The following RADIL variants were observed in gnomAD, a reference collection of about 807,000 sequenced individuals.
RADIL encodes the protein ras-associating and dilute domain-containing protein.
In RADIL, 99 loss-of-function variants were observed where a neutral mutation model predicts 97.6. That is an observed-to-expected ratio of 1.01 (90% confidence interval 0.86 to 1.20). The LOEUF is 1.20. Ranked by LOEUF, RADIL falls within the 50% of genes most tolerant of loss-of-function variation. The pLI is 0.00. For missense variants in RADIL, 1,765 were observed against 1,498.9 expected (o/e 1.18, Z -2.93); for synonymous variants, 803 against 691.8 (o/e 1.16, Z -2.52).
intron 5 of RADIL, among the ~76,000 whole-genome samples, chr7:4,825,275 T>G (rs1331164787): frequency 6.6e-6 from 1 of 151,980 alleles, no homozygotes; most frequent in Admixed American, 6.6e-5. Context: ...GGCAGGCTGG[T>G]CAAGGCGCGG....
rs1782596208 is a variant in RADIL, at chr7:4,813,317, C to A, written c.2139+1961G>T. ...TCCACTGGGGGCCTGGTGTTTACTTCCCAAGGGGTCCTGGACTCGTCATCT... is the reference window on the plus strand; with the variant it reads ...TCCACTGGGGGCCTGGTGTTTACTTACCAAGGGGTCCTGGACTCGTCATCT... On this transcript the variant is annotated intron_variant, in intron 9 of 14. Transcript: ENST00000399583. This position sits in a 1 kb window ranked among gnomAD's most constrained non-coding sequence, Gnocchi z 5.0. Among the ~76,000 whole-genome samples the A allele has an allele frequency of 6.6e-6, 1 of 152,142 alleles. No individual in the cohort carries two copies. Among genetic ancestry groups the A allele is most frequent in the Non-Finnish European group, 1.5e-5 (1 of 68,028 alleles).
chr7:4,820,345 G>A (rs545354862), intron 6 of RADIL, among the ~76,000 whole-genome samples: 30 of 152,366 alleles, frequency 2.0e-4, no homozygotes, highest in African/African-American at 6.3e-4. Context: ...TAGCTGGGCA[G>A]CTGGAGGTGG....
At position 4,842,429 on chromosome 7, in the gene RADIL, C is replaced by T. The variant is rs1389010410; in HGVS notation, c.536-5824G>A. On this transcript the variant is annotated intron_variant, in intron 2 of 14. Transcript: ENST00000399583. This position sits in a 1 kb window ranked among gnomAD's most constrained non-coding sequence, Gnocchi z 4.5. ...GGGAGACAGCATGCAGCCACAGCCA[C>T]ACGGCTTTGTCTAGGCCACCCCCCT... is the stretch of plus-strand genomic sequence containing the variant. Among the ~76,000 whole-genome samples the T allele has an allele frequency of 6.6e-6, 1 of 152,188 alleles. No homozygotes were observed. Among genetic ancestry groups the T allele is most frequent in the Non-Finnish European group, 1.5e-5 (1 of 68,042 alleles).
At position 4,824,239 on chromosome 7, in the gene RADIL, C is replaced by T. The variant is rs1199579574; in HGVS notation, c.1455-1685G>A. ...TAAGGGGTGAGCCAGGCAGCTGCCA[C>T]TCTGCTGGCCGCAGGGCATGGTGCC... On this transcript the variant is annotated intron_variant, in intron 5 of 14. Coordinates refer to ENST00000399583, the MANE Select transcript of RADIL (RefSeq NM_018059.5). The surrounding 1 kb of genome is among the most constrained non-coding windows in gnomAD (Gnocchi z 6.7). 6.6e-6 allele frequency among the ~76,000 whole-genome samples: 1 copy of T among 152,232 alleles called. No homozygotes were observed. Among genetic ancestry groups the T allele is most frequent in the East Asian group, 1.9e-4 (1 of 5,198 alleles).
chr7:4,874,769 T>A (rs1455832460), intron 2 of RADIL, among the ~76,000 whole-genome samples: 4 of 149,692 alleles, frequency 2.7e-5, no homozygotes, highest in Admixed American at 1.3e-4. Flanking sequence ...AAGAAGTGCA[T>A]GAGCTTGGCC....
intron 9 of RADIL, among the ~76,000 whole-genome samples, chr7:4,812,381 C>G (rs1209949660): frequency 6.6e-6 from 1 of 152,044 alleles, no homozygotes; most frequent in African/African-American, 2.4e-5. Flanking sequence ...TTTTCTGATA[C>G]TAGCAATTGT....
At position 4,840,972 on chromosome 7, in the gene RADIL, A is replaced by C. The variant is rs1783425722; in HGVS notation, c.536-4367T>G. Among the ~76,000 whole-genome samples, 2 of 152,364 alleles carry C rather than the reference A, an allele frequency of 1.3e-5. No homozygotes were observed. Among genetic ancestry groups the C allele is most frequent in the South Asian group, 4.1e-4 (2 of 4,828 alleles). On this transcript the variant is annotated intron_variant, in intron 2 of 14. Transcript: ENST00000399583. This position sits in a 1 kb window ranked among gnomAD's most constrained non-coding sequence, Gnocchi z 5.6. The stretch of plus-strand genomic sequence containing the variant: ...ACAGAGCGAGACTCCGTCTCAAAAC[A>C]AAACAAAACAACAACAACGAAAAGA...
rs1391693937 is a variant in RADIL at position 4,818,895 on chromosome 7, C to T, written c.1616-1544G>A. On this transcript the variant is annotated intron_variant, in intron 6 of 14. Coordinates refer to ENST00000399583, the MANE Select transcript of RADIL (RefSeq NM_018059.5). The surrounding 1 kb of genome is among the most constrained non-coding windows in gnomAD (Gnocchi z 7.1). ...CAAAGCAGCCTCCAGCCACCCACCA[C>T]GGGCCTGAGACTCCATTTCTTCTTT... Among the ~76,000 whole-genome samples the T allele has an allele frequency of 6.6e-6, 1 of 152,074 alleles. No homozygotes were observed. Among genetic ancestry groups the T allele is most frequent in the South Asian group, 2.1e-4 (1 of 4,822 alleles).
rs533728942 is a variant in RADIL, at chr7:4,810,653, G to A, written c.2139+4625C>T. ...GCGAGGGACCCACGGAAGCATCTCC[G>A]TCGGGGAAATTGCTCAATCGGAGCA... On this transcript the variant is annotated intron_variant, in intron 9 of 14. Transcript: ENST00000399583. Among the ~76,000 whole-genome samples the A allele has an allele frequency of 4.3e-4, 65 of 152,344 alleles. No individual in the cohort carries two copies. The South Asian group carries it at 9.3e-3, about 22-fold the overall frequency.
Position 4,836,108 on chromosome 7 carries a change from G to A in RADIL, c.783+250C>T, listed in dbSNP as rs949194390. Among the ~76,000 whole-genome samples the A allele has an allele frequency of 4.6e-5, 7 of 152,226 alleles. No homozygotes were observed. The South Asian group carries it at 1.2e-3, about 27-fold the overall frequency. On this transcript the variant is annotated intron_variant, in intron 3 of 14. Transcript: ENST00000399583. ...CTCCCTGAAGGCGCCTGGTGCTGAG[G>A]GCACCCACTCTGGGATTGGGGAAGT...
Position 4,840,295 on chromosome 7 carries a change from G to A in RADIL, c.536-3690C>T, listed in dbSNP as rs987815776. On this transcript the variant is annotated intron_variant, in intron 2 of 14. Transcript: ENST00000399583. The surrounding 1 kb of genome is among the most constrained non-coding windows in gnomAD (Gnocchi z 5.6). ...GCTTCGTCACCTGAGTCACCTGAGC[G>A]TCTCAGCTCTGTGCAGACCCAGGGC... is the stretch of plus-strand genomic sequence containing the variant. Among the ~76,000 whole-genome samples, 21 of 152,274 alleles carry A rather than the reference G, an allele frequency of 1.4e-4. No individual in the cohort carries two copies. The highest frequency in any genetic ancestry group is 4.3e-4 in the African/African-American group (18 of 41,566).
Position 4,879,300 on chromosome 7 carries a change from T to A in RADIL, c.-64-1097A>T, listed in dbSNP as rs1428391177. On this transcript the variant is annotated intron_variant, in intron 1 of 14. Coordinates refer to ENST00000399583, the MANE Select transcript of RADIL (RefSeq NM_018059.5). This position sits in a 1 kb window ranked among gnomAD's most constrained non-coding sequence, Gnocchi z 4.1. The stretch of plus-strand genomic sequence containing the variant: ...CGTGCCCAGGGCCAGGAGTTCCAGA[T>A]GGTTTCTCAGTCTCCCTCCAGAACC... 6.6e-6 allele frequency among the ~76,000 whole-genome samples: 1 copy of A among 152,192 alleles called. No homozygotes were observed. The highest frequency in any genetic ancestry group is 1.5e-5 in the Non-Finnish European group (1 of 68,030).
chr7:4,882,068 TAACTCC>T (rs1354438450), intron 1 of RADIL: 2 of 151,762 alleles, frequency 1.3e-5, no homozygotes, highest in Non-Finnish European at 2.9e-5. Context: ...TCCTTTCCAA[TAACTCC>T]TTCTTAAGCC....
chr7:4,804,322 C>T (rs966735864), intron 10 of RADIL, among the ~76,000 whole-genome samples: 1 of 152,234 alleles, frequency 6.6e-6, no homozygotes, highest in Non-Finnish European at 1.5e-5. Context: ...TAGAAGGTGT[C>T]AGGTGGAGCC....
In RADIL at chr7:4,805,585, G is replaced by C; in HGVS notation, c.2271C>G (p.Ser757Arg). The change falls in exon 10 of 15, where the codon AGC (serine) becomes AGG (arginine). Residue 757 changes from serine (S) to arginine (R), a missense_variant. Physicochemically the swap from Ser to Arg is moderately radical, Grantham distance 110 (BLOSUM62 -1). Transcript: ENST00000399583. ...GCTTACCTGACCTGAAGGCCTCGGGGCTGTCCTGGGCCCCTGGCTCCCAGG... is the reference window on the plus strand; with the variant it reads ...GCTTACCTGACCTGAAGGCCTCGGGCCTGTCCTGGGCCCCTGGCTCCCAGG... ...MSTWEPGAQD[S>R]PEAFRSEDVL... The C allele has an allele frequency of 4.4e-6, 7 of 1,609,170 alleles. No homozygotes were observed. The highest frequency in any genetic ancestry group is 5.9e-6 in the Non-Finnish European group (7 of 1,177,932).
At position 4,835,116 on chromosome 7, in the gene RADIL, G is replaced by T; in HGVS notation, c.907C>A (p.Gln303Lys). 6.2e-7 allele frequency: 1 copy of T among 1,609,156 alleles called. No individual in the cohort carries two copies. Among genetic ancestry groups the T allele is most frequent in the East Asian group, 2.2e-5 (1 of 44,686 alleles). The change falls in exon 4 of 15, where the codon CAA (glutamine) becomes AAA (lysine). Residue 303 changes from glutamine (Q) to lysine (K), a missense_variant. Transcript: ENST00000399583. This position sits in a 1 kb window ranked among gnomAD's most constrained non-coding sequence, Gnocchi z 5.8. ...ILPLHCTIRR[Q>K]PLPDSGQAAG... ...GCCTGGCCGCTGTCCGGGAGCGGTTGCCGGCGGATGGTGCAGTGTAGAGGC... is the reference window on the plus strand; with the variant it reads ...GCCTGGCCGCTGTCCGGGAGCGGTTTCCGGCGGATGGTGCAGTGTAGAGGC...
In RADIL at chr7:4,836,504, G is replaced by A. The variant is rs764336449; in HGVS notation, c.637C>T (p.Arg213Cys). Residue 213 changes from arginine to cysteine, a missense_variant, in exon 3 of 15, where the codon CGC (arginine) becomes TGC (cysteine). By Grantham distance (180) the Arg-to-Cys change is radical. Coordinates refer to ENST00000399583, the MANE Select transcript of RADIL (RefSeq NM_018059.5). ...ARSSPPPRLR[R>C]TVSETSLSPV... ...CTCAGGCTGGTCTCACTGACTGTGC[G>A]GCGCAACCGGGGTGGAGGAGAGCTC... 25 of 1,606,940 alleles carry A rather than the reference G, an allele frequency of 1.6e-5. No homozygotes were observed. The highest frequency in any genetic ancestry group is 2.2e-5 in the East Asian group (1 of 44,802).
Position 4,803,667 on chromosome 7 carries a change from TC to T in RADIL, c.2377del (p.Asp793ThrfsTer79), listed in dbSNP as rs1782194237. On this transcript the variant is annotated frameshift_variant, in exon 11 of 15. Coordinates refer to ENST00000399583, the MANE Select transcript of RADIL (RefSeq NM_018059.5). LOFTEE classifies it high-confidence loss of function. ...FQVDLEANCL[D>X]DSIYQHLLYV... ...GAGCAGGTGCTGGTAGATGCTGTCG[TC>T]CAGGCAGTTGGCTTCCAAGTCCACC... The T allele has an allele frequency of 6.4e-7, 1 of 1,553,708 alleles. No individual in the cohort carries two copies.
At chr7:4,826,745 CAAAA>C (rs797014912) in intron 5 of RADIL, among the ~76,000 whole-genome samples, 1 of 128,626 alleles carries the variant, frequency 7.8e-6, no homozygotes, top group African/African-American at 2.9e-5. Context: ...AAAAAAAAAA[CAAAA>C]AAAAAAACCC....
Sources: gnomAD v4.1 joint callset for allele counts (sites outside exome capture counted in the v4.1 genomes callset) on GRCh38, gnomAD v4.1.1 for gene constraint, Gnocchi (gnomAD v3.1) non-coding constraint, MANE v1.5 for transcripts, NCBI Gene and HGNC (gene_info 2026-07-23, HGNC 2026-07-21) for gene names.